The following CIT variants were observed in gnomAD, a reference collection of about 807,000 sequenced individuals.
The protein encoded by CIT is citron Rho-interacting kinase.
Under a neutral mutation model 272.7 loss-of-function variants are expected in CIT, and 79 were observed. The ratio of observed to expected loss-of-function variants is 0.29; its 90% CI spans 0.24 to 0.35. The LOEUF is 0.35. Ranked by LOEUF, CIT falls within the 10% of genes least tolerant of loss-of-function variation. The pLI is 1.00. For synonymous variants in CIT, 948 were observed against 995.6 expected, an observed-to-expected ratio of 0.95 and a Z score of 0.90; for missense variants, 1,909 against 2,618.3, an observed-to-expected ratio of 0.73 and a Z score of 5.91.
intron 44 of CIT, among the ~76,000 whole-genome samples, chr12:119,700,258 G>A (rs1956481839): frequency 6.6e-6 from 1 of 152,204 alleles, no homozygotes. Context: ...TCTTCATCGA[G>A]CCTCAGAATC....
intron 40 of CIT, among the ~76,000 whole-genome samples, chr12:119,707,803 C>A (rs776623234): frequency 6.6e-6 from 1 of 152,148 alleles, no homozygotes; most frequent in South Asian, 2.1e-4. Flanking sequence ...CCCGGCCAGG[C>A]CATTGCAATC....
chr12:119,756,187 C>T (rs897155004), intron 22 of CIT, among the ~76,000 whole-genome samples: 1 of 152,206 alleles, frequency 6.6e-6, no homozygotes, highest in Non-Finnish European at 1.5e-5. Flanking sequence ...CCCAGATCCC[C>T]ATGGCCCAGT....
At chr12:119,843,340 C>A (rs1210993841) in intron 5 of CIT, among the ~76,000 whole-genome samples, 3 of 152,038 alleles carry the variant, frequency 2.0e-5, no homozygotes, top group Non-Finnish European at 2.9e-5. Context: ...TGTGGAAGAC[C>A]TGGGAGAAGG....
At chr12:119,796,348 G>A (rs1965727792) in intron 10 of CIT, among the ~76,000 whole-genome samples, 1 of 152,172 alleles carries the variant, frequency 6.6e-6, no homozygotes, top group Admixed American at 6.5e-5. Flanking sequence ...CCAAGCAAGA[G>A]TCCATGATGG....
chr12:119,763,015 TA>T (rs1248273429), intron 19 of CIT, among the ~76,000 whole-genome samples: 1 of 152,134 alleles, frequency 6.6e-6, no homozygotes, highest in African/African-American at 2.4e-5. Flanking sequence ...TACCACATTC[TA>T]CCCTGGGTGA....
At chr12:119,867,629 G>C (rs943482994) in intron 3 of CIT, among the ~76,000 whole-genome samples, 1 of 152,170 alleles carries the variant, frequency 6.6e-6, no homozygotes, top group Non-Finnish European at 1.5e-5. Flanking sequence ...TTTGTGCACT[G>C]TAAGGTGTTT....
chr12:119,865,066 G>C (rs1208233484), intron 3 of CIT, among the ~76,000 whole-genome samples: 1 of 152,118 alleles, frequency 6.6e-6, no homozygotes, highest in Non-Finnish European at 1.5e-5. Context: ...ACTCAAAAAG[G>C]GGAGGAATAG....
intron 47 of CIT, among the ~76,000 whole-genome samples, chr12:119,689,666 C>CTT (rs531946559): frequency 0.26 from 19,250 of 74,270 alleles, 5,716 homozygotes; most frequent in East Asian, 0.37. Context: ...TTAGGAAGCT[C>CTT]TTTTTTTTTT....
chr12:119,815,237 TAA>T (rs60997159), intron 9 of CIT, among the ~76,000 whole-genome samples: 33 of 135,430 alleles, frequency 2.4e-4, no homozygotes, highest in Non-Finnish European at 2.4e-4. Context: ...TGGCCTTGTT[TAA>T]AAAAAAAAAA....
At chr12:119,732,588 C>T (rs918170975) in intron 26 of CIT, among the ~76,000 whole-genome samples, 1 of 152,178 alleles carries the variant, frequency 6.6e-6, no homozygotes, top group East Asian at 1.9e-4. Flanking sequence ...CAAAAAGGAA[C>T]TATTTCTACC....
At chr12:119,813,806 A>C (rs1966898066) in intron 9 of CIT, among the ~76,000 whole-genome samples, 1 of 152,210 alleles carries the variant, frequency 6.6e-6, no homozygotes, top group Non-Finnish European at 1.5e-5. Flanking sequence ...TACACTTCCG[A>C]GGGATGGGGC....
chr12:119,832,940 G>A, intron 6 of CIT, 76 bp from the exon 7 acceptor site: 1 of 1,057,508 alleles, frequency 9.5e-7, no homozygotes, highest in South Asian at 1.3e-5. Context: ...AATCTCAATT[G>A]AGCCAAAAAT....
chr12:119,863,951 C>T (rs902764918), intron 3 of CIT, among the ~76,000 whole-genome samples: 1 of 152,036 alleles, frequency 6.6e-6, no homozygotes, highest in East Asian at 1.9e-4. Flanking sequence ...TCACCAGATA[C>T]CAGATTCGCT....
intron 23 of CIT, among the ~76,000 whole-genome samples, chr12:119,750,748 T>TATAGACAGATAGATAG (rs1231975450): frequency 1.4e-5 from 2 of 147,870 alleles, no homozygotes; most frequent in Admixed American, 6.8e-5. Context: ...TATATATAGA[T>TATAGACAGATAGATAG]ATAGATAGAT....
Position 119,687,498 on chromosome 12 carries a change from T to C in CIT, c.*734A>G, listed in dbSNP as rs1955645796. On this transcript the variant is annotated 3_prime_UTR_variant, in exon 48 of 48. Transcript: ENST00000392521. The stretch of plus-strand genomic sequence containing the variant: ...TGGCCCCAAGTCACTGCCTCCGAGC[T>C]GAGGCCCCGATGACCTCCATACATT... 1 of 152,624 alleles carries C rather than the reference T, an allele frequency of 6.6e-6. No homozygotes were observed. Among genetic ancestry groups the C allele is most frequent in the African/African-American group, 2.4e-5 (1 of 41,432 alleles). 9.5% of individuals were successfully genotyped at this position (152,624 alleles called of 1,614,324 possible).
At chr12:119,865,814 G>A (rs2138373379) in intron 3 of CIT, among the ~76,000 whole-genome samples, 1 of 144,758 alleles carries the variant, frequency 6.9e-6, no homozygotes, top group Non-Finnish European at 1.5e-5. Context: ...AGGTTGCAGT[G>A]AGCTGAGATT....
intron 3 of CIT, among the ~76,000 whole-genome samples, chr12:119,860,259 TC>T (rs1950297836): frequency 6.6e-6 from 1 of 152,004 alleles, no homozygotes; most frequent in South Asian, 2.1e-4. Context: ...TCAGCAATCA[TC>T]CTGAATACAC....
chr12:119,809,093 G>A (rs1966758753), intron 9 of CIT, among the ~76,000 whole-genome samples: 1 of 152,164 alleles, frequency 6.6e-6, no homozygotes, highest in Admixed American at 6.5e-5. Flanking sequence ...GTATCTTCAT[G>A]GGCTGGAGTG....
At chr12:119,795,520 C>G (rs1224967955) in intron 10 of CIT, among the ~76,000 whole-genome samples, 3 of 152,186 alleles carry the variant, frequency 2.0e-5, no homozygotes, top group African/African-American at 7.2e-5. Context: ...TGAGTTATTG[C>G]TGGGTCTACA....
Sources: gnomAD v4.1 joint callset for allele counts (sites outside exome capture counted in the v4.1 genomes callset) on GRCh38, gnomAD v4.1.1 for gene constraint, MANE v1.5 for transcripts, NCBI Gene and HGNC (gene_info 2026-07-23, HGNC 2026-07-21) for gene names.